The following ARFGAP2 variants were observed in gnomAD, a reference collection of about 807,000 sequenced individuals.
ARFGAP2 encodes ARF GTPase activating protein 2.
In ARFGAP2, 45 loss-of-function variants were observed where a neutral mutation model predicts 71.9. The observed-to-expected ratio is 0.63, with a 90% confidence interval of 0.49 to 0.80. The LOEUF (loss-of-function observed/expected upper bound fraction) is 0.80. ARFGAP2 is among the 30% of genes least tolerant of loss of function. The pLI is 0.00. For synonymous variants in ARFGAP2, 248 were observed against 249.2 expected (o/e 1.00, Z 0.05); for missense variants, 633 against 673.9 (o/e 0.94, Z 0.67).
chr11:47,176,696 C>A (rs766418188), intron 1 of ARFGAP2, 62 bp from the exon 2 acceptor site: 1 of 1,610,926 alleles, frequency 6.2e-7, no homozygotes, highest in Non-Finnish European at 8.5e-7. Context: ...GGCACCGACA[C>A]CCCAGAAACA....
chr11:47,171,695 CT>C lies in ARFGAP2; in HGVS notation c.777del (p.Ala260ProfsTer67). Reference sequence around the variant, plus strand: ...TCCTCCGCCTGCTTCTTGGCATCGGCTGCCTGCTGCTCACGGAGCTTCTCTG... The same window carrying C: ...TCCTCCGCCTGCTTCTTGGCATCGGCGCCTGCTGCTCACGGAGCTTCTCTG... Reference protein sequence around the residue: ...QVAEKLREQQAADAKKQAEES... With the variant: ...QVAEKLREQQXADAKKQAEES... On this transcript the variant is annotated frameshift_variant, in exon 9 of 16. Transcript: ENST00000524782. LOFTEE classifies it high-confidence loss of function. The C allele has an allele frequency of 6.2e-7, 1 of 1,613,876 alleles. No individual in the cohort carries two copies. Among genetic ancestry groups the C allele is most frequent in the Middle Eastern group, 1.6e-4 (1 of 6,062 alleles).
intron 2 of ARFGAP2, 59 bp from the exon 3 acceptor site, chr11:47,175,982 C>T (rs1952798770): frequency 6.3e-7 from 1 of 1,577,520 alleles, no homozygotes; most frequent in Non-Finnish European, 8.7e-7. Flanking sequence ...TCCCTGGCAA[C>T]CCGGATACCT....
chr11:47,173,770 C>G lies in ARFGAP2; in HGVS notation c.551G>C (p.Ser184Thr). The G allele has an allele frequency of 6.2e-7, 1 of 1,603,114 alleles. No individual in the cohort carries two copies. Among genetic ancestry groups the G allele is most frequent in the East Asian group, 2.3e-5 (1 of 44,316 alleles). ...TGGGCTGAACTCACGTGCCAGGCCACTGCTCTCTGTAGACGGGGCTGGCTG... is the reference window on the plus strand; with the variant it reads ...TGGGCTGAACTCACGTGCCAGGCCAGTGCTCTCTGTAGACGGGGCTGGCTG... Reference protein sequence around the residue: ...TQQPAPSTESSGLAQPEHGPN... With the variant: ...TQQPAPSTESTGLAQPEHGPN... The change falls in exon 6 of 16, where the codon AGT becomes ACT. Residue 184 changes from serine to threonine, a missense_variant. Physicochemically the swap from Ser to Thr is moderately conservative, Grantham distance 58. Transcript: ENST00000524782.
At chr11:47,176,070 TC>T in intron 2 of ARFGAP2, 147 bp from the exon 3 acceptor site, 1 of 722,588 alleles carries the variant, frequency 1.4e-6, no homozygotes, top group Non-Finnish European at 2.4e-6. Context: ...CACTACCCTG[TC>T]CATGAAAACT....
At chr11:47,171,629 C>T (rs768264290) in intron 9 of ARFGAP2, 35 bp downstream of exon 9, 19 of 1,613,932 alleles carry the variant, frequency 1.2e-5, no homozygotes, top group East Asian at 8.9e-5. Flanking sequence ...CACCAAGCCC[C>T]GCAGAAGCCT....
chr11:47,176,762 C>T lies in ARFGAP2; in HGVS notation c.72+20G>A. 1 of 1,614,060 alleles carries T rather than the reference C, an allele frequency of 6.2e-7. No homozygotes were observed. The highest frequency in any genetic ancestry group is 8.5e-7 in the Non-Finnish European group (1 of 1,179,972). ...GGCCCCAGCGGGACGAGAGACTCCG[C>T]GCGCCCCCTGCTCACGCACCTTGTT... On this transcript the variant is annotated intron_variant, in intron 1 of 15. Transcript: ENST00000524782.
rs754200631 is a variant in ARFGAP2, at chr11:47,176,839, C to T, written c.15G>A (p.Pro5=). MAAE[P]NKTEIQTLFK... ...AAAGAGTCTGGATTTCGGTCTTGTT[C>T]GGCTCCGCCGCCATTTTCTCTCCTT... The change falls in exon 1 of 16, where the codon CCG becomes CCA. Residue 5 remains proline (P), a synonymous_variant. Coordinates refer to ENST00000524782, the MANE Select transcript of ARFGAP2 (RefSeq NM_032389.6). 9 of 1,613,670 alleles carry T rather than the reference C, an allele frequency of 5.6e-6. No homozygotes were observed. In the South Asian group the frequency reaches 9.9e-5, roughly 18 times the overall value.
intron 10 of ARFGAP2, chr11:47,169,420 A>G (rs1053559697): frequency 1.3e-5 from 2 of 152,246 alleles, no homozygotes; most frequent in Non-Finnish European, 2.9e-5. Flanking sequence ...GTTGGCAGGC[A>G]ATACAATACA....
rs747314592 is a variant in ARFGAP2 at position 47,176,548 on chromosome 11, G to A, written c.159C>T (p.His53=). 5.0e-6 allele frequency: 8 copies of A among 1,613,828 alleles called. No individual in the cohort carries two copies. In the South Asian group the frequency reaches 5.5e-5, roughly 11 times the overall value. ...VFLCIDCSGV[H]RSLGVHLSFI... ...AGCTCAGATGGACGCCCAGGGAGCG[G>A]TGCACCCCGGAACAGTCAATGCACA... Residue 53 remains histidine, a synonymous_variant, in exon 2 of 16, where the codon CAC becomes CAT. Transcript: ENST00000524782.
chr11:47,171,937 A>G (rs1272666924), intron 8 of ARFGAP2, 137 bp from the exon 9 acceptor site: 2 of 1,290,706 alleles, frequency 1.5e-6, no homozygotes, highest in African/African-American at 3.0e-5. Flanking sequence ...CCCAACCAGC[A>G]TGGCCAAGAC....
chr11:47,175,161 G>A, intron 4 of ARFGAP2, 21 bp downstream of exon 4: 1 of 1,614,044 alleles, frequency 6.2e-7, no homozygotes, highest in Non-Finnish European at 8.5e-7. Flanking sequence ...TCCTGCCCCA[G>A]CCCCAAGAAC....
rs1565123684 is a variant in ARFGAP2 at position 47,166,890 on chromosome 11, A to G, written c.1206-4T>C. ...CACTTCCCTCCGGTTTGTGGCTCTG[A>G]GGGGAAGATGTGGAATATCTCGGAC... On this transcript the variant is annotated splice_polypyrimidine_tract_variant and splice_region_variant and intron_variant, in intron 12 of 15. Transcript: ENST00000524782. 1 of 1,612,656 alleles carries G rather than the reference A, an allele frequency of 6.2e-7. No individual in the cohort carries two copies. Among genetic ancestry groups the G allele is most frequent in the South Asian group, 1.1e-5 (1 of 91,064 alleles).
chr11:47,175,453 G>A (rs1273950671), intron 3 of ARFGAP2, 140 bp from the exon 4 acceptor site: 1 of 1,355,832 alleles, frequency 7.4e-7, no homozygotes, highest in Non-Finnish European at 1.0e-6. Flanking sequence ...CGGTTTTTCA[G>A]AGATAAAGTT....
chr11:47,171,572 A>C lies in ARFGAP2; in HGVS notation c.810-15T>G. 6.2e-7 allele frequency: 1 copy of C among 1,614,146 alleles called. No individual in the cohort carries two copies. Among genetic ancestry groups the C allele is most frequent in the Non-Finnish European group, 8.5e-7 (1 of 1,180,008 alleles). ...TGGAGGCGACCCTTAGGGGGAACAA[A>C]GGTGTCAGTGGCCACCACCCATCCT... On this transcript the variant is annotated splice_polypyrimidine_tract_variant and intron_variant, in intron 9 of 15. Coordinates refer to ENST00000524782, the MANE Select transcript of ARFGAP2 (RefSeq NM_032389.6).
chr11:47,176,117 T>C (rs940394826), intron 2 of ARFGAP2, 194 bp from the exon 3 acceptor site: 16 of 623,470 alleles, frequency 2.6e-5, no homozygotes, highest in Non-Finnish European at 4.5e-5. Context: ...GAGTACTAAT[T>C]ATGTCCCCAG....
chr11:47,173,675 A>G, intron 6 of ARFGAP2, 84 bp downstream of exon 6: 1 of 1,502,036 alleles, frequency 6.7e-7, no homozygotes, highest in Non-Finnish European at 9.0e-7. Context: ...CCCTGCTCCT[A>G]TTGTCATGGC....
rs947048257 is a variant in ARFGAP2, at chr11:47,173,987, G to A, written c.481-147C>T. ...GAGGGTAGCAAACAAGATCACAGTTGCTATTCACTGTGGAAGAAAGCAGGA... is the reference window on the plus strand; with the variant it reads ...GAGGGTAGCAAACAAGATCACAGTTACTATTCACTGTGGAAGAAAGCAGGA... On this transcript the variant is annotated intron_variant, in intron 5 of 15. Transcript: ENST00000524782. The A allele has an allele frequency of 7.7e-6, 11 of 1,435,632 alleles. No individual in the cohort carries two copies. In the East Asian group the frequency reaches 1.8e-4, roughly 23 times the overall value. 88.9% of individuals were successfully genotyped at this position (1,435,632 alleles called of 1,614,324 possible).
intron 12 of ARFGAP2, among the ~76,000 whole-genome samples, chr11:47,167,089 G>C (rs1229246769): frequency 6.6e-6 from 1 of 152,174 alleles, no homozygotes; most frequent in Non-Finnish European, 1.5e-5. Context: ...GAGAGCTTAG[G>C]AACCTGCACT....
chr11:47,176,873 C>T lies in ARFGAP2; in HGVS notation c.-20G>A. On this transcript the variant is annotated 5_prime_UTR_variant, in exon 1 of 16. In the 5' UTR this introduces an upstream ATG that the reference lacks. Transcript: ENST00000524782. ...CGCCATTTTCTCTCCTTCCCAGACA[C>T]AACCGCGGCTGACGGGTCCCGCCGC... 9 of 1,609,842 alleles carry T rather than the reference C, an allele frequency of 5.6e-6. No individual in the cohort carries two copies. The highest frequency in any genetic ancestry group is 7.6e-6 in the Non-Finnish European group (9 of 1,178,198).
Sources: gnomAD v4.1 joint callset for allele counts (sites outside exome capture counted in the v4.1 genomes callset) on GRCh38, gnomAD v4.1.1 for gene constraint, MANE v1.5 for transcripts, NCBI Gene and HGNC (gene_info 2026-07-23, HGNC 2026-07-21) for gene names.